PCDH15: variants seen among roughly 807,000 people sequenced by gnomAD.
The protein encoded by PCDH15 is protocadherin-15.
In PCDH15, 129 loss-of-function variants were observed where a neutral mutation model predicts 178.5. The observed-to-expected ratio is 0.72, with a 90% confidence interval of 0.63 to 0.84. The LOEUF (loss-of-function observed/expected upper bound fraction) is 0.84. Among genes scored for constraint, PCDH15 ranks in the 40% least tolerant of loss-of-function variants. The pLI is 0.00. For missense variants in PCDH15, 2,230 were observed against 2,099.9 expected (o/e 1.06, Z -1.21); for synonymous variants, 800 against 732.0 (o/e 1.09, Z -1.50).
intron 2 of PCDH15, among the ~76,000 whole-genome samples, chr10:55,439,606 TA>T (rs566020694): frequency 2.1e-5 from 3 of 145,382 alleles, no homozygotes; most frequent in East Asian, 2.0e-4. Flanking sequence ...TTTTTTTTTT[TA>T]AATGATGAAA....
intron 8 of PCDH15, among the ~76,000 whole-genome samples, chr10:54,296,738 A>G (rs1374603876): frequency 1.3e-5 from 2 of 152,130 alleles, no homozygotes; most frequent in African/African-American, 4.8e-5. Flanking sequence ...CTATTCCTGA[A>G]GCTAGGATAT....
chr10:54,613,345 G>A (rs1278158127), intron 2 of PCDH15, among the ~76,000 whole-genome samples: 2 of 151,858 alleles, frequency 1.3e-5, no homozygotes, highest in Admixed American at 6.6e-5. Context: ...AATTGTTCAG[G>A]AAGTTCAATA....
At chr10:54,727,623 A>G (rs933049484) in intron 1 of PCDH15, among the ~76,000 whole-genome samples, 4 of 151,532 alleles carry the variant, frequency 2.6e-5, no homozygotes, top group African/African-American at 9.7e-5. Flanking sequence ...ACTGAGATGC[A>G]TCAAACCATA....
intron 1 of PCDH15, among the ~76,000 whole-genome samples, chr10:54,682,833 C>T (rs2094923937): frequency 6.6e-6 from 1 of 152,134 alleles, no homozygotes. Flanking sequence ...GCTAATTCTT[C>T]TCTGTTAACC....
intron 3 of PCDH15, among the ~76,000 whole-genome samples, chr10:54,858,889 A>G (rs1953787472): frequency 6.6e-6 from 1 of 152,084 alleles, no homozygotes; most frequent in Non-Finnish European, 1.5e-5. Context: ...GAAGAATTTT[A>G]TATACACTGA....
chr10:55,059,734 T>A (rs1178877527), intron 2 of PCDH15, among the ~76,000 whole-genome samples: 1 of 152,060 alleles, frequency 6.6e-6, no homozygotes, highest in East Asian at 1.9e-4. Flanking sequence ...TGTAATGAAG[T>A]TTAAGAACAT....
intron 28 of PCDH15, among the ~76,000 whole-genome samples, chr10:53,856,779 A>T (rs2078772715): frequency 6.6e-6 from 1 of 152,152 alleles, no homozygotes; most frequent in South Asian, 2.1e-4. Flanking sequence ...AATTATTATT[A>T]AAACACTCTT....
chr10:54,427,862 C>T (rs751417533), intron 3 of PCDH15, among the ~76,000 whole-genome samples: 12 of 152,074 alleles, frequency 7.9e-5, no homozygotes, highest in Non-Finnish European at 1.2e-4. Context: ...AAATTGCAAT[C>T]GTCATGTGTA....
At chr10:54,131,018 T>C (rs778464545) in intron 15 of PCDH15, among the ~76,000 whole-genome samples, 162 of 152,300 alleles carry the variant, frequency 1.1e-3, no homozygotes, top group Non-Finnish European at 4.4e-4. Context: ...GCATCCTTTC[T>C]TTTCCTTCTA....
chr10:55,198,954 AC>A (rs1465768398), intron 1 of PCDH15, among the ~76,000 whole-genome samples: 1 of 151,858 alleles, frequency 6.6e-6, no homozygotes, highest in Non-Finnish European at 1.5e-5. Context: ...AATCAATTAA[AC>A]CTCTTTTCTT....
chr10:54,074,916 G>A (rs4282900), intron 17 of PCDH15, among the ~76,000 whole-genome samples: 55,299 of 151,844 alleles, frequency 0.36, 11,072 homozygotes, highest in Middle Eastern at 0.52. Flanking sequence ...CGTCTCTACT[G>A]GGTGTGAGGT....
chr10:54,889,284 T>A (rs897823450), intron 3 of PCDH15, among the ~76,000 whole-genome samples: 6 of 151,910 alleles, frequency 3.9e-5, no homozygotes, highest in Admixed American at 2.6e-4. Flanking sequence ...GAAGGGGAAA[T>A]ACTGTTTTAT....
intron 2 of PCDH15, among the ~76,000 whole-genome samples, chr10:55,438,641 A>G (rs1358594830): frequency 1.3e-5 from 2 of 152,090 alleles, no homozygotes; most frequent in Non-Finnish European, 2.9e-5. Context: ...GCACAAATAG[A>G]AACAATTAAG....
chr10:54,392,236 A>G (rs1056754523), intron 3 of PCDH15, among the ~76,000 whole-genome samples: 1 of 151,418 alleles, frequency 6.6e-6, no homozygotes, highest in Non-Finnish European at 1.5e-5. Context: ...AGGCTGAGGC[A>G]GGTGGATCTC....
At chr10:54,703,524 A>T (rs1368185671) in intron 1 of PCDH15, among the ~76,000 whole-genome samples, 3 of 152,144 alleles carry the variant, frequency 2.0e-5, no homozygotes, top group African/African-American at 4.8e-5. Context: ...AAACAAATTC[A>T]GAAAAGTTTT....
intron 2 of PCDH15, among the ~76,000 whole-genome samples, chr10:55,059,724 T>C (rs921179675): frequency 1.3e-5 from 2 of 152,068 alleles, no homozygotes; most frequent in Admixed American, 6.6e-5. Flanking sequence ...TTGAGAGAGA[T>C]GTAATGAAGT....
chr10:54,686,703 A>C (rs191920047), intron 1 of PCDH15, among the ~76,000 whole-genome samples: 4 of 152,224 alleles, frequency 2.6e-5, no homozygotes, highest in Admixed American at 2.6e-4. Flanking sequence ...AGATCAGTTG[A>C]CTATATATAC....
chr10:54,372,192 T>C (rs1441953736), intron 4 of PCDH15, among the ~76,000 whole-genome samples: 3 of 151,938 alleles, frequency 2.0e-5, no homozygotes, highest in Admixed American at 1.3e-4. Context: ...TATCTTCCAA[T>C]TATTGCAAGA....
intron 2 of PCDH15, among the ~76,000 whole-genome samples, chr10:54,982,219 C>A (rs781131362): frequency 2.0e-5 from 3 of 152,092 alleles, no homozygotes; most frequent in Non-Finnish European, 4.4e-5. Flanking sequence ...CATTATTGAA[C>A]TCCTCTTGTC....
Sources: allele counts gnomAD v4.1 joint callset (sites outside exome capture counted in the v4.1 genomes callset), GRCh38; gene constraint gnomAD v4.1.1; transcripts MANE v1.5; gene names NCBI Gene and HGNC (gene_info 2026-07-23, HGNC 2026-07-21).